PHLDB2: variants seen among roughly 807,000 people sequenced by gnomAD.
PHLDB2 encodes pleckstrin homology-like domain family B member 2.
Under a neutral mutation model 123.6 loss-of-function variants are expected in PHLDB2, and 71 were observed. That is an observed-to-expected ratio of 0.57 (90% CI 0.47 to 0.70). PHLDB2 has a LOEUF of 0.70. Ranked by LOEUF, PHLDB2 falls within the 30% of genes least tolerant of loss-of-function variation. The pLI is 0.00. For synonymous variants in PHLDB2, 547 were observed against 541.6 expected, an observed-to-expected ratio of 1.01 and a Z score of -0.14; for missense variants, 1,446 against 1,519.5, an observed-to-expected ratio of 0.95 and a Z score of 0.80.
At chr3:111,899,481 A>G (rs1029136932) in intron 2 of PHLDB2, among the ~76,000 whole-genome samples, 1 of 152,138 alleles carries the variant, frequency 6.6e-6, no homozygotes, top group Non-Finnish European at 1.5e-5. Flanking sequence ...TGAGCAGTAG[A>G]TCTGAACAGT....
At chr3:111,917,232 T>C (rs996939894) in intron 3 of PHLDB2, 3 of 152,234 alleles carry the variant, frequency 2.0e-5, no homozygotes, top group Non-Finnish European at 4.4e-5. Flanking sequence ...AGTTGTCTAT[T>C]ATTAAATATA....
chr3:111,865,155 G>C (rs1054859112), intron 1 of PHLDB2, among the ~76,000 whole-genome samples: 1 of 152,204 alleles, frequency 6.6e-6, no homozygotes, highest in African/African-American at 2.4e-5. Flanking sequence ...GAGAAGTGAT[G>C]TCTGGCTGCC....
At position 111,952,661 on chromosome 3, in the gene PHLDB2, C is replaced by T. The variant is rs753005316; in HGVS notation, c.2721C>T (p.Ser907=). The change falls in exon 11 of 18, where the codon TCC becomes TCT. Residue 907 remains serine, a synonymous_variant. Coordinates refer to ENST00000431670, the MANE Select transcript of PHLDB2 (RefSeq NM_001134438.2). ...DTLPRKKTTS[S]ISPHFSSATM... ...TGCCTCGAAAGAAAACCACATCTTC[C>T]ATCTCCCCACATTTCAGCAGTGCTA... 1.9e-6 allele frequency: 3 copies of T among 1,613,980 alleles called. No individual in the cohort carries two copies. Among genetic ancestry groups the T allele is most frequent in the Non-Finnish European group, 2.5e-6 (3 of 1,179,916 alleles).
chr3:111,783,109 G>T lies in PHLDB2; in HGVS notation c.-49+50406G>T, dbSNP rs532871445. Among the ~76,000 whole-genome samples, 12 of 152,002 alleles carry T rather than the reference G, an allele frequency of 7.9e-5. No homozygotes were observed. The East Asian group carries it at 9.7e-4, about 12-fold the overall frequency. ...GTGCTTCAAAATTTTGAGAATTCTT[G>T]CTCAACATGACTATTTCTAGAAACT... On this transcript the variant is annotated intron_variant, in intron 1 of 17. Coordinates refer to the PHLDB2 transcript ENST00000393923.
chr3:111,871,242 G>A (rs955651722), intron 1 of PHLDB2, among the ~76,000 whole-genome samples: 12 of 152,204 alleles, frequency 7.9e-5, no homozygotes, highest in South Asian at 4.1e-4. Flanking sequence ...TACTCACTTC[G>A]TATAAATTAC....
intron 2 of PHLDB2, among the ~76,000 whole-genome samples, chr3:111,894,375 G>A (rs913786181): frequency 6.6e-6 from 1 of 151,838 alleles, no homozygotes; most frequent in African/African-American, 2.4e-5. Flanking sequence ...AAACATACAT[G>A]TGCATGTGTC....
At chr3:111,805,007 T>C (rs1301213923) in intron 1 of PHLDB2, among the ~76,000 whole-genome samples, 1 of 152,202 alleles carries the variant, frequency 6.6e-6, no homozygotes, top group Non-Finnish European at 1.5e-5. Context: ...AGAAGTCTTA[T>C]ACACTGCTAG....
chr3:111,881,645 T>G (rs1477886266), intron 1 of PHLDB2, among the ~76,000 whole-genome samples: 1 of 152,212 alleles, frequency 6.6e-6, no homozygotes, highest in East Asian at 1.9e-4. Context: ...TATTTCTCTG[T>G]ACTGAGAATG....
rs1175349231 is a variant in PHLDB2, at chr3:111,976,186, T to C, written c.*1623T>C. 6.6e-6 allele frequency: 1 copy of C among 152,488 alleles called. No homozygotes were observed. Among genetic ancestry groups the C allele is most frequent in the Non-Finnish European group, 1.5e-5 (1 of 68,036 alleles). 9.4% of individuals were successfully genotyped at this position (152,488 alleles called of 1,614,324 possible). On this transcript the variant is annotated 3_prime_UTR_variant, in exon 18 of 18. Coordinates refer to ENST00000431670, the MANE Select transcript of PHLDB2 (RefSeq NM_001134438.2). ...AAGGTGTTCTAATCCAATTGCATGA[T>C]GTAGTAAGCCTCTTAAATATGTGTG...
chr3:111,926,927 A>G (rs185852170), intron 5 of PHLDB2, among the ~76,000 whole-genome samples: 10 of 152,074 alleles, frequency 6.6e-5, no homozygotes, highest in South Asian at 4.1e-4. Flanking sequence ...TGTTACCTCT[A>G]TGAAATTTCA....
At chr3:111,938,001 T>C (rs2069608547) in intron 6 of PHLDB2, among the ~76,000 whole-genome samples, 1 of 152,152 alleles carries the variant, frequency 6.6e-6, no homozygotes, top group Admixed American at 6.5e-5. Context: ...TTCTAGACCA[T>C]CTGATTTTCA....
chr3:111,909,330 G>A (rs1332293769), intron 2 of PHLDB2, among the ~76,000 whole-genome samples: 1 of 152,176 alleles, frequency 6.6e-6, no homozygotes, highest in Non-Finnish European at 1.5e-5. Context: ...GCTATGCTTT[G>A]CTATGTGCAG....
Position 111,756,054 on chromosome 3 carries a change from G to A in PHLDB2, c.-49+23351G>A, listed in dbSNP as rs1406464192. ...ATTTCTGTTCTTTTACATTTGCTGA[G>A]GAGAGCTTTTTACTTCCAACTATGT... On this transcript the variant is annotated intron_variant, in intron 1 of 17. Coordinates refer to the PHLDB2 transcript ENST00000393923. 2.6e-5 allele frequency among the ~76,000 whole-genome samples: 4 copies of A among 152,212 alleles called. No individual in the cohort carries two copies. In the East Asian group the frequency reaches 7.7e-4, roughly 29 times the overall value.
At chr3:111,758,682 C>T (rs1274840337) in intron 1 of PHLDB2, among the ~76,000 whole-genome samples, 2 of 152,198 alleles carry the variant, frequency 1.3e-5, no homozygotes, top group East Asian at 3.8e-4. Flanking sequence ...GCAGAAATCA[C>T]CCATCTTCTG....
intron 1 of PHLDB2, among the ~76,000 whole-genome samples, chr3:111,765,120 C>G (rs1393300297): frequency 6.6e-6 from 1 of 152,172 alleles, no homozygotes; most frequent in Non-Finnish European, 1.5e-5. Flanking sequence ...TAGAGTTCAA[C>G]AAATTCTCAT....
At chr3:111,756,486 T>C (rs1326611895) in intron 1 of PHLDB2, among the ~76,000 whole-genome samples, 1 of 152,202 alleles carries the variant, frequency 6.6e-6, no homozygotes, top group Admixed American at 6.5e-5. Flanking sequence ...CCTTTTTTTG[T>C]TTTCCATTTG....
chr3:111,863,640 A>G (rs951291024), intron 1 of PHLDB2, among the ~76,000 whole-genome samples: 2 of 152,218 alleles, frequency 1.3e-5, no homozygotes, highest in Admixed American at 1.3e-4. Context: ...ACTGGGTTAG[A>G]TAGCGGCAGA....
At chr3:111,911,172 A>G (rs2067860113) in intron 2 of PHLDB2, among the ~76,000 whole-genome samples, 1 of 152,230 alleles carries the variant, frequency 6.6e-6, no homozygotes, top group Admixed American at 6.5e-5. Flanking sequence ...CTGAACAGAA[A>G]TATCTTTCAT....
chr3:111,913,511 C>T lies in PHLDB2; in HGVS notation c.1528C>T (p.Arg510Trp), dbSNP rs766806891. 17 of 1,614,048 alleles carry T rather than the reference C, an allele frequency of 1.1e-5. No homozygotes were observed. In the South Asian group the frequency reaches 1.1e-4, roughly 10 times the overall value. ...CCCTGACACAAGATACAGGTGCCAC[C>T]GGAAAGACTCCCTCCCTGATGCAGA... ...MSPDTRYRCH[R>W]KDSLPDADLA... is the part of the protein sequence containing the mutation. The change falls in exon 3 of 18, where the codon CGG (arginine) becomes TGG (tryptophan). Residue 510 changes from arginine (R) to tryptophan (W), a missense_variant. Around this residue, in one of 3 missense-constraint regions of PHLDB2, gnomAD observed 832 missense variants for 831.9 expected, o/e 1.00. Transcript: ENST00000431670.
Sources: allele counts gnomAD v4.1 joint callset (sites outside exome capture counted in the v4.1 genomes callset), GRCh38; gene constraint gnomAD v4.1.1; regional missense constraint gnomAD v4.1.1; transcripts MANE v1.5; gene names NCBI Gene and HGNC (gene_info 2026-07-23, HGNC 2026-07-21).